The following HEXA variants were observed in gnomAD, a reference collection of about 807,000 sequenced individuals.
HEXA encodes beta-hexosaminidase subunit alpha.
In HEXA, 54 loss-of-function variants were observed where a neutral mutation model predicts 73.3. The observed-to-expected ratio is 0.74, with a 90% CI of 0.59 to 0.92. HEXA has a LOEUF of 0.92. Ranked by LOEUF, HEXA falls within the 40% of genes least tolerant of loss-of-function variation. The pLI, the probability that HEXA is intolerant of heterozygous loss-of-function variation, is 0.00. For synonymous variants in HEXA, 230 were observed against 246.9 expected (o/e 0.93, Z 0.64); for missense variants, 649 against 653.0 (o/e 0.99, Z 0.07).
At chr15:72,367,291 C>T (rs2088930429) in intron 1 of HEXA, among the ~76,000 whole-genome samples, 1 of 152,138 alleles carries the variant, frequency 6.6e-6, no homozygotes, top group Non-Finnish European at 1.5e-5. Flanking sequence ...TTTTCCCTAT[C>T]TTTGTTAATG....
intron 8 of HEXA, 114 bp downstream of exon 8, chr15:72,348,965 A>G (rs1308946105): frequency 1.2e-6 from 1 of 854,422 alleles, no homozygotes; most frequent in Non-Finnish European, 2.0e-6. Context: ...GAGCAATGTG[A>G]GCCCATACAG....
intron 1 of HEXA, chr15:72,370,096 T>TAAAAAAAAAAAAAAAAAAA (rs61329913): frequency 7.8e-6 from 1 of 128,148 alleles, no homozygotes; most frequent in Non-Finnish European, 1.7e-5. Context: ...CAGGCAGAGT[T>TAAAAAAAAAAAAAAAAAAA]AAAAAAAAAA....
intron 1 of HEXA, among the ~76,000 whole-genome samples, chr15:72,361,200 T>C (rs926721852): frequency 2.0e-5 from 3 of 152,210 alleles, no homozygotes; most frequent in African/African-American, 7.2e-5. Flanking sequence ...AGAGAGCTAA[T>C]AGAAACCACT....
At chr15:72,361,181 C>G (rs1458355325) in intron 1 of HEXA, among the ~76,000 whole-genome samples, 1 of 152,166 alleles carries the variant, frequency 6.6e-6, no homozygotes, top group African/African-American at 2.4e-5. Flanking sequence ...GACAAAAATC[C>G]CAGCTGTCAG....
chr15:72,350,651 C>A lies in HEXA; in HGVS notation c.673-1G>T. 6.2e-7 allele frequency: 1 copy of A among 1,609,588 alleles called. No homozygotes were observed. Among genetic ancestry groups the A allele is most frequent in the Non-Finnish European group, 8.5e-7 (1 of 1,178,020 alleles). ...TGTGGGTGACAGGGTTGTAGGACCC[C>A]TGAAAGGCACAAGACACCCTTCAGG... is the stretch of plus-strand genomic sequence containing the variant. On this transcript the variant is annotated splice_acceptor_variant, in intron 6 of 13. Transcript: ENST00000268097. LOFTEE classifies it high-confidence loss of function.
intron 12 of HEXA, chr15:72,346,021 C>G: frequency 3.3e-6 from 2 of 602,952 alleles, no homozygotes; most frequent in South Asian, 3.9e-5. Context: ...AATCCCTATC[C>G]CACATACCAA....
At position 72,365,538 on chromosome 15, in the gene HEXA, C is replaced by T. The variant is rs1026378472; in HGVS notation, c.254-8921G>A. On this transcript the variant is annotated intron_variant, in intron 1 of 13. Coordinates refer to ENST00000268097, the MANE Select transcript of HEXA (RefSeq NM_000520.6). The stretch of plus-strand genomic sequence containing the variant: ...TCAAAGCTATGACTCTTTTCCTTTA[C>T]GGTCTCTTTATTTGCTTACTTAGAA... Among the ~76,000 whole-genome samples, 17 of 152,172 alleles carry T rather than the reference C, an allele frequency of 1.1e-4. No individual in the cohort carries two copies. The East Asian group carries it at 1.7e-3, about 16-fold the overall frequency.
At position 72,375,984 on chromosome 15, in the gene HEXA, C is replaced by T. The variant is rs779349017; in HGVS notation, c.-12G>A. ...CTGGAGCTTGTCATGGCCCGCTGGT[C>T]TCCCCTCTCGGAGGGGGCTGGCCAC... On this transcript the variant is annotated 5_prime_UTR_variant, in exon 1 of 14. Transcript: ENST00000268097. 3.1e-6 allele frequency: 5 copies of T among 1,612,370 alleles called. No homozygotes were observed. In the African/African-American group the frequency reaches 4.0e-5, roughly 13 times the overall value.
At chr15:72,370,708 A>AAGAAAAAAAAAAAG in intron 1 of HEXA, 1 of 381,834 alleles carries the variant, frequency 2.6e-6, no homozygotes, top group East Asian at 3.7e-5. Flanking sequence ...AAAAAAAAAA[A>AAGAAAAAAAAAAAG]GAAAGAAAAG....
intron 12 of HEXA, 45 bp downstream of exon 12, chr15:72,346,190 C>G: frequency 7.0e-7 from 1 of 1,437,694 alleles, no homozygotes; most frequent in Non-Finnish European, 9.8e-7. Context: ...GGGAGAACTC[C>G]TGCTCTCAGG....
intron 1 of HEXA, among the ~76,000 whole-genome samples, chr15:72,363,744 G>C (rs2088881597): frequency 6.6e-6 from 1 of 151,874 alleles, no homozygotes; most frequent in African/African-American, 2.4e-5. Flanking sequence ...CATATTTTTT[G>C]GGTAAAAGTT....
intron 1 of HEXA, chr15:72,370,386 T>C (rs924094490): frequency 2.7e-6 from 1 of 372,956 alleles, no homozygotes; most frequent in African/African-American, 2.1e-5. Context: ...TATACAGGGA[T>C]ACTAGAAAAG....
At chr15:72,375,623 G>T in intron 1 of HEXA, 97 bp downstream of exon 1, 1 of 1,410,316 alleles carries the variant, frequency 7.1e-7, no homozygotes, top group Non-Finnish European at 9.8e-7. Flanking sequence ...CAGAGGGCTG[G>T]ACAAAAGCCC....
At chr15:72,363,294 A>C (rs2088875026) in intron 1 of HEXA, among the ~76,000 whole-genome samples, 1 of 152,238 alleles carries the variant, frequency 6.6e-6, no homozygotes, top group Non-Finnish European at 1.5e-5. Flanking sequence ...GTCTAGCAGG[A>C]GAGATGAACA....
chr15:72,349,761 T>A (rs1462587071), intron 7 of HEXA, among the ~76,000 whole-genome samples: 1 of 151,996 alleles, frequency 6.6e-6, no homozygotes, highest in Non-Finnish European at 1.5e-5. Flanking sequence ...TTTTTTTGGT[T>A]GTTGTTGTTT....
chr15:72,352,033 G>A (rs2088705201), intron 5 of HEXA, among the ~76,000 whole-genome samples: 1 of 151,986 alleles, frequency 6.6e-6, no homozygotes, highest in South Asian at 2.1e-4. Flanking sequence ...CACAGTTCAT[G>A]CATCCTTGAT....
At chr15:72,349,396 T>G in intron 7 of HEXA, 137 bp from the exon 8 acceptor site, 1 of 740,572 alleles carries the variant, frequency 1.4e-6, no homozygotes, top group Admixed American at 2.0e-5. Context: ...TAGGCACACT[T>G]AGGCACTCAC....
chr15:72,350,727 A>G (rs946515936), intron 6 of HEXA, 77 bp from the exon 7 acceptor site: 26 of 1,553,668 alleles, frequency 1.7e-5, no homozygotes, highest in Admixed American at 5.0e-5. Flanking sequence ...AATGCCCACA[A>G]GACTCCCCAG....
chr15:72,348,551 A>G (rs1471928631), intron 8 of HEXA, among the ~76,000 whole-genome samples: 1 of 152,132 alleles, frequency 6.6e-6, no homozygotes, highest in Admixed American at 6.6e-5. Flanking sequence ...TTTTGCTCAC[A>G]TTGTTCTCCT....
Sources: gnomAD v4.1 joint callset for allele counts (sites outside exome capture counted in the v4.1 genomes callset) on GRCh38, gnomAD v4.1.1 for gene constraint, MANE v1.5 for transcripts, NCBI Gene and HGNC (gene_info 2026-07-23, HGNC 2026-07-21) for gene names.